Variants in CHSY3 observed in about 807,000 individuals in gnomAD.
CHSY3 encodes N-acetylgalactosaminyl-proteoglycan 3-beta-glucuronosyltransferase 3.
Under a neutral mutation model 67.2 loss-of-function variants are expected in CHSY3, and 35 were observed. The observed-to-expected ratio is 0.52, with a 90% CI of 0.40 to 0.69. CHSY3 has a LOEUF of 0.69. Among genes scored for constraint, CHSY3 ranks in the 30% least tolerant of loss-of-function variants. CHSY3 has a pLI of 0.00. For synonymous variants in CHSY3, 474 were observed against 434.7 expected, an observed-to-expected ratio of 1.09 and a Z score of -1.12; for missense variants, 1,069 against 1,138.5, an observed-to-expected ratio of 0.94 and a Z score of 0.88.
intron 2 of CHSY3, among the ~76,000 whole-genome samples, chr5:130,137,283 C>T (rs1768696685): frequency 6.6e-6 from 1 of 152,134 alleles, no homozygotes; most frequent in African/African-American, 2.4e-5. Context: ...AACTCTTTTC[C>T]TTTATCAGTC....
chr5:130,180,953 A>T (rs965906567), intron 2 of CHSY3, among the ~76,000 whole-genome samples: 3 of 152,250 alleles, frequency 2.0e-5, no homozygotes, highest in Admixed American at 6.5e-5. Flanking sequence ...AAAGGTAATG[A>T]AAGTTTAATG....
intron 2 of CHSY3, among the ~76,000 whole-genome samples, chr5:129,977,947 T>G (rs1010013966): frequency 1.3e-5 from 2 of 151,684 alleles, no homozygotes; most frequent in African/African-American, 4.8e-5. Flanking sequence ...TGAGTGGAGA[T>G]TTTAACAAAG....
chr5:130,146,761 A>G (rs1255543081), intron 2 of CHSY3, among the ~76,000 whole-genome samples: 1 of 151,026 alleles, frequency 6.6e-6, no homozygotes, highest in Non-Finnish European at 1.5e-5. Flanking sequence ...TAATTAAAAA[A>G]AAAGCATTTT....
intron 2 of CHSY3, among the ~76,000 whole-genome samples, chr5:130,057,082 C>T (rs989090906): frequency 4.0e-5 from 6 of 151,568 alleles, no homozygotes; most frequent in African/African-American, 1.2e-4. Flanking sequence ...CACCACCACT[C>T]CCAGCTAATT....
Position 130,125,322 on chromosome 5 carries a change from TG to T in CHSY3, c.1087-58904del, listed in dbSNP as rs564555054. On this transcript the variant is annotated intron_variant, in intron 2 of 2. Transcript: ENST00000305031. ...GTCCCAGCCACTCAGGAGACTGAGG[TG>T]GGAGAATTGCTTGAGTTCAAGAAAT... Among the ~76,000 whole-genome samples the T allele has an allele frequency of 2.0e-3, 304 of 151,790 alleles. 1 individual carries two copies. Among genetic ancestry groups the T allele is most frequent in the African/African-American group, 6.7e-3 (279 of 41,382 alleles).
At chr5:130,030,974 A>C (rs1252522549) in intron 2 of CHSY3, among the ~76,000 whole-genome samples, 1 of 152,020 alleles carries the variant, frequency 6.6e-6, no homozygotes, top group Non-Finnish European at 1.5e-5. Flanking sequence ...TACTTTTTTT[A>C]ATTTTAATAG....
Position 130,086,511 on chromosome 5 carries a change from C to T in CHSY3, c.1087-97718C>T, listed in dbSNP as rs532904983. 4.0e-4 allele frequency among the ~76,000 whole-genome samples: 61 copies of T among 152,078 alleles called. 1 individual carries two copies. In the South Asian group the frequency reaches 8.1e-3, roughly 20 times the overall value. On this transcript the variant is annotated intron_variant, in intron 2 of 2. Transcript: ENST00000305031. ...TTTTGAGCCTATGTGTGTCTCTGCA[C>T]GTGAGATGGGTTTCTGAATACAGCA...
chr5:130,020,494 A>C (rs1764358776), intron 2 of CHSY3, among the ~76,000 whole-genome samples: 1 of 129,878 alleles, frequency 7.7e-6, no homozygotes, highest in Admixed American at 8.5e-5. Context: ...TGGCTCCTCC[A>C]CATCCTTTTG....
chr5:129,934,232 T>C (rs1180401347), intron 2 of CHSY3, among the ~76,000 whole-genome samples: 1 of 152,130 alleles, frequency 6.6e-6, no homozygotes, highest in Non-Finnish European at 1.5e-5. Context: ...AAGAATGAGA[T>C]AAAATATAAT....
Position 129,971,418 on chromosome 5 carries a change from A to G in CHSY3, c.1086+63058A>G, listed in dbSNP as rs561874876. On this transcript the variant is annotated intron_variant, in intron 2 of 2. Coordinates refer to ENST00000305031, the MANE Select transcript of CHSY3 (RefSeq NM_175856.5). ...TAATAAAATAATTTAATCTTTAGCTATGTAATTCTTCAATCATTGGCTAAT... is the reference window on the plus strand; with the variant it reads ...TAATAAAATAATTTAATCTTTAGCTGTGTAATTCTTCAATCATTGGCTAAT... 3.6e-4 allele frequency among the ~76,000 whole-genome samples: 55 copies of G among 151,994 alleles called. 1 individual carries two copies. In the South Asian group the frequency reaches 0.011, roughly 30 times the overall value.
At chr5:130,128,446 C>T (rs949172905) in intron 2 of CHSY3, among the ~76,000 whole-genome samples, 1 of 151,970 alleles carries the variant, frequency 6.6e-6, no homozygotes, top group African/African-American at 2.4e-5. Flanking sequence ...CCTAGTGATC[C>T]CACTTATATG....
chr5:130,100,347 GCT>G (rs1305721922), intron 2 of CHSY3, among the ~76,000 whole-genome samples: 4 of 121,986 alleles, frequency 3.3e-5, no homozygotes, highest in Non-Finnish European at 1.6e-5. Flanking sequence ...ACCATGCTTG[GCT>G]ATTTTTTTTT....
chr5:130,167,512 A>G (rs6893337), intron 2 of CHSY3, among the ~76,000 whole-genome samples: 159 of 152,198 alleles, frequency 1.0e-3, no homozygotes, highest in African/African-American at 3.6e-3. Context: ...GAAAAAGGAG[A>G]TCTGGAATCT....
intron 2 of CHSY3, among the ~76,000 whole-genome samples, chr5:130,000,337 T>A (rs1763683366): frequency 6.6e-6 from 1 of 152,216 alleles, no homozygotes; most frequent in Admixed American, 6.5e-5. Context: ...ATAATTTTTA[T>A]TTGACTGTTA....
At chr5:130,134,405 T>C (rs1281378023) in intron 2 of CHSY3, among the ~76,000 whole-genome samples, 2 of 152,226 alleles carry the variant, frequency 1.3e-5, no homozygotes, top group African/African-American at 2.4e-5. Flanking sequence ...GATCATTTCT[T>C]TGACAATGGC....
chr5:130,001,759 A>C, intron 2 of CHSY3: 1 of 835,588 alleles, frequency 1.2e-6, no homozygotes, highest in Non-Finnish European at 1.4e-6. Context: ...GGCATCCCTT[A>C]TTCTGAACAT....
chr5:130,077,724 C>T (rs547154994), intron 2 of CHSY3, among the ~76,000 whole-genome samples: 4 of 151,842 alleles, frequency 2.6e-5, no homozygotes, highest in Non-Finnish European at 5.9e-5. Context: ...TACTGACTAG[C>T]GATCCTGTAT....
chr5:130,177,871 G>T (rs1770102491), intron 2 of CHSY3, among the ~76,000 whole-genome samples: 1 of 151,756 alleles, frequency 6.6e-6, no homozygotes. Flanking sequence ...ACTCATTCTG[G>T]AACTACTGTT....
intron 2 of CHSY3, among the ~76,000 whole-genome samples, chr5:130,030,711 T>C (rs1484900745): frequency 6.6e-6 from 1 of 152,222 alleles, no homozygotes; most frequent in East Asian, 1.9e-4. Flanking sequence ...TGAGACCTAA[T>C]CCCACAGAGC....
Sources: allele counts gnomAD v4.1 joint callset (sites outside exome capture counted in the v4.1 genomes callset), GRCh38; gene constraint gnomAD v4.1.1; transcripts MANE v1.5; gene names NCBI Gene and HGNC (gene_info 2026-07-23, HGNC 2026-07-21).